The following MAP3K15 variants were observed in gnomAD, a reference collection of about 807,000 sequenced individuals.
MAP3K15 encodes the protein mitogen-activated protein kinase kinase kinase 15, also known as MAPK/ERK kinase kinase 15.
MAP3K15 carries 124 observed loss-of-function variants against 99.5 expected under a neutral mutation model. The observed-to-expected ratio is 1.25, with a 90% CI of 1.08 to 1.45. The LOEUF is 1.45. Among genes scored for constraint, MAP3K15 ranks in the 40% most tolerant of loss-of-function variants. The pLI, the probability that MAP3K15 is intolerant of heterozygous loss-of-function variation, is 0.00. For synonymous variants in MAP3K15, 494 were observed against 439.6 expected (o/e 1.12, Z -1.55); for missense variants, 1,242 against 1,079.7 (o/e 1.15, Z -2.11).
At chrX:19,416,224 G>A (rs760823198) in intron 9 of MAP3K15, among the ~76,000 whole-genome samples, 1 of 111,159 alleles carries the variant, frequency 9.0e-6, no homozygotes, top group Non-Finnish European at 1.9e-5. Flanking sequence ...CCAACTACTT[G>A]GGAGGCTGAG....
chrX:19,389,817 G>A (rs2063515135), intron 18 of MAP3K15, among the ~76,000 whole-genome samples: 3 of 111,811 alleles, frequency 2.7e-5, no homozygotes, highest in Admixed American at 9.6e-5. Flanking sequence ...GCTAATTGGT[G>A]GCTTCCAAAG....
intron 6 of MAP3K15, among the ~76,000 whole-genome samples, chrX:19,437,901 C>G (rs918509661): frequency 9.0e-6 from 1 of 111,286 alleles, no homozygotes; most frequent in Non-Finnish European, 1.9e-5. Context: ...CTGTGTGGTC[C>G]TATAGTTTAA....
chrX:19,473,452 A>G (rs1409620576), intron 3 of MAP3K15, among the ~76,000 whole-genome samples: 1 of 112,612 alleles, frequency 8.9e-6, no homozygotes, highest in Non-Finnish European at 1.9e-5. Flanking sequence ...AACTAGGATC[A>G]GCTATTTGTA....
intron 25 of MAP3K15, among the ~76,000 whole-genome samples, chrX:19,363,675 C>T (rs1420764055): frequency 9.7e-6 from 1 of 102,604 alleles, no homozygotes; most frequent in Non-Finnish European, 2.0e-5. Flanking sequence ...TTTTTGGAGA[C>T]AGAGTCTCAC....
chrX:19,429,068 C>G (rs1201531792), intron 7 of MAP3K15, among the ~76,000 whole-genome samples: 1 of 111,359 alleles, frequency 9.0e-6, no homozygotes, highest in African/African-American at 3.3e-5. Context: ...GTTTGGAAAA[C>G]TCCTTAGGAA....
At position 19,460,143 on chromosome X, in the gene MAP3K15, T is replaced by G. The variant is rs2064121723; in HGVS notation, c.730A>C (p.Lys244Gln). ...DIHVTSCVYYKETLLNDIRKA... is the reference protein window; with the variant it reads ...DIHVTSCVYYQETLLNDIRKA... ...CGGATGTCATTTAACAAGGTTTCTT[T>G]GTAATAAACACTATAGAAAGAAAAA... The change falls in exon 5 of 29, where the codon AAA becomes CAA. Residue 244 changes from lysine to glutamine, a missense_variant. Physicochemically the swap from Lys to Gln is moderately conservative, Grantham distance 53. Transcript: ENST00000338883. 8.4e-7 allele frequency: 1 copy of G among 1,185,082 alleles called. No homozygotes were observed. Among genetic ancestry groups the G allele is most frequent in the Non-Finnish European group, 1.1e-6 (1 of 887,235 alleles).
intron 7 of MAP3K15, among the ~76,000 whole-genome samples, chrX:19,427,017 T>A (rs1053703913): frequency 1.7e-4 from 19 of 110,512 alleles, no homozygotes; most frequent in African/African-American, 6.3e-4. Context: ...CACGATTTGA[T>A]GTCTGGAGTA....
chrX:19,431,287 A>G, intron 7 of MAP3K15, 151 bp downstream of exon 7: 1 of 465,414 alleles, frequency 2.1e-6, no homozygotes, highest in Non-Finnish European at 3.4e-6. Context: ...TCAAAAAGGG[A>G]ATCTGAAAAT....
chrX:19,464,208 A>G lies in MAP3K15; in HGVS notation c.719+5T>C. ...CAGGGGTTACTGGTGGCAGATGGGA[A>G]TTACCATGAGGTCACGTGGATGTCC... On this transcript the variant is annotated splice_donor_5th_base_variant and intron_variant, in intron 4 of 28. Coordinates refer to ENST00000338883, the MANE Select transcript of MAP3K15 (RefSeq NM_001001671.4). The G allele has an allele frequency of 1.7e-6, 2 of 1,187,438 alleles. No homozygotes were observed. The highest frequency in any genetic ancestry group is 2.3e-6 in the Non-Finnish European group (2 of 885,986).
chrX:19,462,660 C>A (rs1244037868), intron 4 of MAP3K15, among the ~76,000 whole-genome samples: 1 of 111,930 alleles, frequency 8.9e-6, no homozygotes, highest in African/African-American at 3.2e-5. Context: ...AAGCATGCAG[C>A]CATTTCTGCC....
intron 25 of MAP3K15, among the ~76,000 whole-genome samples, chrX:19,363,675 CAG>C (rs1412467460): frequency 1.9e-5 from 2 of 102,606 alleles, no homozygotes; most frequent in African/African-American, 7.6e-5. Context: ...TTTTTGGAGA[CAG>C]AGTCTCACTC....
In MAP3K15 at chrX:19,464,645, T is replaced by C. The variant is rs73455651; in HGVS notation, c.526-239A>G. On this transcript the variant is annotated intron_variant, in intron 3 of 28. Transcript: ENST00000338883. ...TACTGAACTGATCTGTATGTATCTC[T>C]GAACTTCACTGGCAGAAATTTTAGG... Among the ~76,000 whole-genome samples, 237 of 111,849 alleles carry C rather than the reference T, an allele frequency of 2.1e-3. 1 individual carries two copies. Among genetic ancestry groups the C allele is most frequent in the African/African-American group, 6.9e-3 (213 of 30,826 alleles).
intron 6 of MAP3K15, among the ~76,000 whole-genome samples, chrX:19,437,832 G>C (rs762796445): frequency 2.7e-5 from 3 of 111,473 alleles, no homozygotes; most frequent in Non-Finnish European, 5.6e-5. Flanking sequence ...AGTTATTGTA[G>C]TGACATGGAG....
At chrX:19,410,477 G>T (rs1348609957) in intron 11 of MAP3K15, among the ~76,000 whole-genome samples, 2 of 112,092 alleles carry the variant, frequency 1.8e-5, no homozygotes, top group Admixed American at 9.5e-5. Flanking sequence ...CCAATGGGAT[G>T]TGAGCAGGAA....
intron 18 of MAP3K15, among the ~76,000 whole-genome samples, chrX:19,384,287 A>C (rs1205138873): frequency 9.0e-6 from 1 of 110,860 alleles, no homozygotes; most frequent in Non-Finnish European, 1.9e-5. Flanking sequence ...TAAAAATCAA[A>C]ACAATTGAAC....
At chrX:19,468,724 C>T (rs781021489) in intron 3 of MAP3K15, among the ~76,000 whole-genome samples, 13 of 111,697 alleles carry the variant, frequency 1.2e-4, no homozygotes, top group African/African-American at 3.9e-4. Context: ...GCCATTTTCA[C>T]GATATTGATT....
intron 6 of MAP3K15, among the ~76,000 whole-genome samples, chrX:19,456,102 C>G (rs972384415): frequency 1.8e-5 from 2 of 110,932 alleles, no homozygotes; most frequent in African/African-American, 6.6e-5. Flanking sequence ...AATCAGAATC[C>G]TACCACTGTT....
intron 3 of MAP3K15, among the ~76,000 whole-genome samples, chrX:19,479,744 C>T (rs1285595893): frequency 8.9e-6 from 1 of 112,124 alleles, no homozygotes; most frequent in Non-Finnish European, 1.9e-5. Flanking sequence ...ATAAAGACAG[C>T]CTTGATCTGT....
chrX:19,380,380 G>C (rs1296450765), intron 18 of MAP3K15, 103 bp from the exon 19 acceptor site: 3 of 899,258 alleles, frequency 3.3e-6, no homozygotes, highest in East Asian at 6.5e-5. Flanking sequence ...AGGATCACCT[G>C]AGCCCAGGTG....
Sources: gnomAD v4.1 joint callset for allele counts (sites outside exome capture counted in the v4.1 genomes callset) on GRCh38, gnomAD v4.1.1 for gene constraint, MANE v1.5 for transcripts, NCBI Gene and HGNC (gene_info 2026-07-23, HGNC 2026-07-21) for gene names.